STAG2: variants seen among roughly 807,000 people sequenced by gnomAD.
STAG2 encodes STAG2 cohesin complex component, also known as cohesin subunit SA-2.
Under a neutral mutation model 108.1 loss-of-function variants are expected in STAG2, and 14 were observed. The observed-to-expected ratio is 0.13, with a 90% CI of 0.09 to 0.20. The LOEUF (loss-of-function observed/expected upper bound fraction) is 0.20, where lower values mean the gene tolerates loss of function less well. STAG2 is among the 10% of genes least tolerant of loss of function. STAG2 has a pLI of 1.00. For missense variants in STAG2, 440 were observed against 940.9 expected (o/e 0.47, Z 6.96); for synonymous variants, 307 against 302.7 (o/e 1.01, Z -0.15).
intron 6 of STAG2, among the ~76,000 whole-genome samples, chrX:124,041,422 G>GGC (rs1387985315): frequency 2.7e-5 from 3 of 109,251 alleles, no homozygotes; most frequent in African/African-American, 1.0e-4. Context: ...TATATACACA[G>GGC]GCGCGCGCAC....
intron 6 of STAG2, among the ~76,000 whole-genome samples, chrX:124,039,615 GT>G (rs1305274573): frequency 2.0e-5 from 2 of 99,096 alleles, no homozygotes; most frequent in Admixed American, 2.3e-4. Flanking sequence ...TTGTTTGTCT[GT>G]TTTTGGCATG....
intron 1 of STAG2, among the ~76,000 whole-genome samples, chrX:123,980,529 A>G (rs930644601): frequency 8.9e-6 from 1 of 111,974 alleles, no homozygotes; most frequent in African/African-American, 3.2e-5. Context: ...TCAAGTTAAA[A>G]TTATCTTTAA....
rs35552481 is a variant in STAG2 at position 124,034,400 on chromosome X, C to T, written c.289-3127C>T. Among the ~76,000 whole-genome samples, 769 of 111,651 alleles carry T rather than the reference C, an allele frequency of 6.9e-3. 7 individuals carry two copies. The highest frequency in any genetic ancestry group is 0.023 in the African/African-American group (720 of 30,727). ...TCTGCACTGTCTTTCCATTGATTTC[C>T]TGGAATCTTTTCAACAATTTTATTT... is the stretch of plus-strand genomic sequence containing the variant. On this transcript the variant is annotated intron_variant, in intron 5 of 34. Transcript: ENST00000371145.
chrX:124,003,426 T>A (rs972975496), intron 1 of STAG2: 17 of 111,356 alleles, frequency 1.5e-4, no homozygotes, highest in African/African-American at 4.2e-4. Flanking sequence ...AATTTTTTTT[T>A]AATATATTTT....
intron 1 of STAG2, among the ~76,000 whole-genome samples, chrX:123,982,783 G>A (rs1483959871): frequency 1.6e-5 from 1 of 61,933 alleles, no homozygotes; most frequent in African/African-American, 6.7e-5. Context: ...TTTTTTTGCC[G>A]TATCATGAAC....
At chrX:124,027,931 A>AT (rs1051826641) in intron 4 of STAG2, among the ~76,000 whole-genome samples, 38 of 107,899 alleles carry the variant, frequency 3.5e-4, no homozygotes, top group African/African-American at 9.4e-4. Context: ...CTCCTTGCAC[A>AT]TTTTTTTTTC....
rs765781062 is a variant in STAG2, at chrX:124,003,414, A to G, written c.-162-17953A>G. Reference sequence around the variant, plus strand: ...ACTGAGATTGCTTGTTACCTGAAATATAATTTTTTTTTAATATATTTTTTG... The same window carrying G: ...ACTGAGATTGCTTGTTACCTGAAATGTAATTTTTTTTTAATATATTTTTTG... On this transcript the variant is annotated intron_variant, in intron 1 of 34. Coordinates refer to ENST00000371145, the MANE Select transcript of STAG2 (RefSeq NM_001042750.2). 3.6e-5 allele frequency: 4 copies of G among 111,125 alleles called. No individual in the cohort carries two copies. In the East Asian group the frequency reaches 1.1e-3, roughly 31 times the overall value. The allele number at this position is 111,125 out of a possible 1,213,427, so 9.2% of individuals were successfully genotyped here. A position where few individuals can be genotyped will look rare whatever the true frequency, so the allele number is the denominator to read the frequency against.
intron 28 of STAG2, among the ~76,000 whole-genome samples, chrX:124,082,988 A>G (rs1329337995): frequency 9.0e-6 from 1 of 110,839 alleles, no homozygotes; most frequent in East Asian, 2.8e-4. Flanking sequence ...ATGGGGTTTA[A>G]TTTTACTCTT....
chrX:124,004,963 G>T (rs930320481), intron 1 of STAG2, among the ~76,000 whole-genome samples: 1 of 111,080 alleles, frequency 9.0e-6, no homozygotes, highest in African/African-American at 3.3e-5. Flanking sequence ...GTGGGGGATT[G>T]GTTCCAGAAC....
intron 25 of STAG2, among the ~76,000 whole-genome samples, chrX:124,072,880 T>TC (rs1556548696): frequency 1.2e-4 from 12 of 100,936 alleles, no homozygotes; most frequent in East Asian, 3.1e-4. Context: ...TTTCTTTTTT[T>TC]TTTCTTTCTT....
At chrX:124,011,483 T>C (rs1385904877) in intron 1 of STAG2, among the ~76,000 whole-genome samples, 1 of 112,037 alleles carries the variant, frequency 8.9e-6, no homozygotes, top group East Asian at 2.8e-4. Context: ...AAACTTTCAG[T>C]CTTTTACCCT....
At chrX:124,075,905 A>AT (rs753370174) in intron 25 of STAG2, among the ~76,000 whole-genome samples, 3 of 111,222 alleles carry the variant, frequency 2.7e-5, no homozygotes, top group Non-Finnish European at 5.7e-5. Context: ...ACAAAGGAGG[A>AT]CTGTTATAGC....
intron 4 of STAG2, among the ~76,000 whole-genome samples, chrX:124,028,950 G>A (rs1282584058): frequency 9.9e-6 from 1 of 100,601 alleles, no homozygotes; most frequent in Non-Finnish European, 2.0e-5. Context: ...ACTGCTCCCG[G>A]TCGTTTTAAT....
intron 32 of STAG2, 75 bp downstream of exon 32, chrX:124,091,039 C>A: frequency 2.6e-6 from 2 of 780,260 alleles, no homozygotes; most frequent in South Asian, 5.5e-5. Context: ...TGTGCCTTAT[C>A]TAAAAATTTC....
chrX:124,069,461 G>A (rs780094742), intron 24 of STAG2, among the ~76,000 whole-genome samples: 4 of 111,785 alleles, frequency 3.6e-5, no homozygotes, highest in Non-Finnish European at 7.5e-5. Flanking sequence ...TGATATGTTA[G>A]GTACTATTTA....
At chrX:124,094,166 G>A (rs1283347520) in intron 33 of STAG2, 22 bp downstream of exon 33, 1 of 1,184,744 alleles carries the variant, frequency 8.4e-7, no homozygotes. Flanking sequence ...AATGATTTCT[G>A]TAAGATTTTC....
chrX:124,078,562 A>G (rs1338558776), intron 27 of STAG2, among the ~76,000 whole-genome samples: 2 of 111,327 alleles, frequency 1.8e-5, no homozygotes, highest in Non-Finnish European at 3.8e-5. Context: ...ATAATCACAA[A>G]ATATATTAAC....
intron 1 of STAG2, among the ~76,000 whole-genome samples, chrX:123,975,260 C>T (rs193033826): frequency 2.2e-3 from 243 of 111,820 alleles, no homozygotes; most frequent in Non-Finnish European, 2.0e-3. Context: ...ATATTATTAG[C>T]AAAACCATAA....
In STAG2 at chrX:123,966,920, G is replaced by A. The variant is rs199435; in HGVS notation, c.-163+5064G>A. On this transcript the variant is annotated intron_variant, in intron 1 of 34. Transcript: ENST00000371145. ...TTTTTTGAGACGGAGTTTTGCTCTT[G>A]TTGCCCAGGCTGGAGTGCAGTGGCA... Among the ~76,000 whole-genome samples, 333 of 111,731 alleles carry A rather than the reference G, an allele frequency of 3.0e-3. 2 individuals carry two copies. Among genetic ancestry groups the A allele is most frequent in the African/African-American group, 0.01 (311 of 30,709 alleles).
Sources: gnomAD v4.1 joint callset for allele counts (sites outside exome capture counted in the v4.1 genomes callset) on GRCh38, gnomAD v4.1.1 for gene constraint, MANE v1.5 for transcripts, NCBI Gene and HGNC (gene_info 2026-07-23, HGNC 2026-07-21) for gene names.